KIAA2012: variants seen among roughly 807,000 people sequenced by gnomAD.
KIAA2012 encodes KIAA2012, also known as uncharacterized protein KIAA2012.
A neutral mutation model predicts 150.6 loss-of-function variants in KIAA2012; 125 were observed. The observed-to-expected ratio is 0.83, with a 90% CI of 0.72 to 0.96. The LOEUF (loss-of-function observed/expected upper bound fraction) is 0.96. Ranked by LOEUF, KIAA2012 falls within the 40% of genes least tolerant of loss-of-function variation. The pLI, the probability that KIAA2012 is intolerant of heterozygous loss-of-function variation, is 0.00. For synonymous variants in KIAA2012, 462 were observed against 504.7 expected (o/e 0.92, Z 1.13); for missense variants, 1,219 against 1,354.9 (o/e 0.90, Z 1.57).
intron 4 of KIAA2012, 142 bp downstream of exon 4, chr2:202,093,327 A>T: frequency 1.2e-6 from 1 of 813,780 alleles, no homozygotes; most frequent in Non-Finnish European, 1.9e-6. Flanking sequence ...GGGTTAGTGC[A>T]GACCAGCACT....
chr2:202,194,367 G>A lies in KIAA2012; in HGVS notation c.3187+5G>A. 2 of 1,549,396 alleles carry A rather than the reference G, an allele frequency of 1.3e-6. No individual in the cohort carries two copies. Among genetic ancestry groups the A allele is most frequent in the South Asian group, 2.4e-5 (2 of 83,994 alleles). On this transcript the variant is annotated splice_donor_5th_base_variant and intron_variant, in intron 21 of 23. Transcript: ENST00000498697. Reference sequence around the variant, plus strand: ...AGGAGGAAGCCGAGAGGGCCGGTGAGGGGGTTCTTGAGCTCTTTGCATCTC... The same window carrying A: ...AGGAGGAAGCCGAGAGGGCCGGTGAAGGGGTTCTTGAGCTCTTTGCATCTC...
chr2:202,143,803 T>C (rs773433712), intron 13 of KIAA2012, among the ~76,000 whole-genome samples: 1 of 152,244 alleles, frequency 6.6e-6, no homozygotes. Context: ...ATCAGCATTC[T>C]CTTTTTAAGG....
At chr2:202,077,877 A>T (rs1042375879) in intron 2 of KIAA2012, among the ~76,000 whole-genome samples, 1 of 152,230 alleles carries the variant, frequency 6.6e-6, no homozygotes, top group African/African-American at 2.4e-5. Context: ...AGCTTCGGAA[A>T]ATAGAGTACC....
chr2:202,111,265 G>A (rs1365694407), intron 10 of KIAA2012, among the ~76,000 whole-genome samples: 1 of 151,380 alleles, frequency 6.6e-6, no homozygotes. Context: ...GGGAGGCTGA[G>A]GTGGGCGGAT....
chr2:202,074,001 T>C (rs1689266792), intron 1 of KIAA2012, among the ~76,000 whole-genome samples: 1 of 152,038 alleles, frequency 6.6e-6, no homozygotes, highest in Non-Finnish European at 1.5e-5. Context: ...AAGACCAGAA[T>C]TTCCACCTGG....
intron 2 of KIAA2012, among the ~76,000 whole-genome samples, chr2:202,082,019 G>A (rs1398190624): frequency 1.3e-5 from 2 of 152,064 alleles, no homozygotes; most frequent in African/African-American, 4.8e-5. Context: ...CCATTCTAGT[G>A]GGTGTCAAGT....
intron 3 of KIAA2012, among the ~76,000 whole-genome samples, chr2:202,092,562 A>G (rs1039589977): frequency 6.6e-6 from 1 of 152,200 alleles, no homozygotes; most frequent in Non-Finnish European, 1.5e-5. Flanking sequence ...AAAGGGCCCA[A>G]GTCTGGTTCC....
chr2:202,140,034 C>T (rs576745068), intron 13 of KIAA2012, among the ~76,000 whole-genome samples: 2 of 152,256 alleles, frequency 1.3e-5, no homozygotes, highest in Admixed American at 6.5e-5. Flanking sequence ...TCAAGACCAG[C>T]CTGGCCAACA....
chr2:202,144,149 G>A lies in KIAA2012; in HGVS notation c.1908+5641G>A, dbSNP rs544568984. The stretch of plus-strand genomic sequence containing the variant: ...GTTTAAACTATTTCCAGGCTAGGGA[G>A]AACAAACATCCTTTCTCACATGCCT... On this transcript the variant is annotated intron_variant, in intron 13 of 23. Transcript: ENST00000498697. Among the ~76,000 whole-genome samples, 31 of 152,302 alleles carry A rather than the reference G, an allele frequency of 2.0e-4. No homozygotes were observed. The East Asian group carries it at 3.5e-3, about 17-fold the overall frequency.
chr2:202,187,200 G>A (rs1359832177), intron 17 of KIAA2012, 102 bp downstream of exon 17: 21 of 1,286,028 alleles, frequency 1.6e-5, no homozygotes, highest in African/African-American at 8.9e-5. Flanking sequence ...GAGGGCACCC[G>A]ATAAAGGGGA....
intron 11 of KIAA2012, among the ~76,000 whole-genome samples, chr2:202,122,300 A>G (rs1690670904): frequency 6.6e-6 from 1 of 152,242 alleles, no homozygotes; most frequent in Non-Finnish European, 1.5e-5. Context: ...AAAATCAGCC[A>G]GACAACACTG....
At chr2:202,141,622 G>A (rs906942016) in intron 13 of KIAA2012, among the ~76,000 whole-genome samples, 10 of 152,138 alleles carry the variant, frequency 6.6e-5, no homozygotes, top group African/African-American at 2.4e-4. Context: ...CTTTTTTAAT[G>A]CAGGTCTTTC....
At chr2:202,111,287 G>A (rs985756218) in intron 10 of KIAA2012, among the ~76,000 whole-genome samples, 2 of 147,188 alleles carry the variant, frequency 1.4e-5, no homozygotes, top group Non-Finnish European at 3.0e-5. Flanking sequence ...ACAAGGTCAG[G>A]AGTTCAAGAC....
chr2:202,097,292 A>G lies in KIAA2012; in HGVS notation c.686-143A>G, dbSNP rs111639589. The G allele has an allele frequency of 6.9e-3, 9,383 of 1,355,154 alleles. 54 individuals carry two copies. The highest frequency in any genetic ancestry group is 8.6e-3 in the Non-Finnish European group (8,631 of 1,008,738). The allele number at this position is 1,355,154 out of a possible 1,614,324, so 83.9% of individuals were successfully genotyped here. A position where few individuals can be genotyped will look rare whatever the true frequency, so the allele number is the denominator to read the frequency against. On this transcript the variant is annotated intron_variant, in intron 4 of 23. Coordinates refer to ENST00000498697, the MANE Select transcript of KIAA2012 (RefSeq NM_001277372.4). ...CACTTCCGAGGAGGCACTATCAGAA[A>G]TACAAAATAAGGGAGGAGGGGGAGC... is the stretch of plus-strand genomic sequence containing the variant.
intron 12 of KIAA2012, among the ~76,000 whole-genome samples, chr2:202,127,583 G>T (rs1383356724): frequency 6.6e-6 from 1 of 152,194 alleles, no homozygotes; most frequent in South Asian, 2.1e-4. Flanking sequence ...TACAGAAGGG[G>T]CCATGACAGT....
chr2:202,199,252 C>A (rs1692469054), intron 22 of KIAA2012, among the ~76,000 whole-genome samples: 1 of 152,088 alleles, frequency 6.6e-6, no homozygotes, highest in South Asian at 2.1e-4. Context: ...GGTACTTTAA[C>A]TTCTCTGGCC....
At chr2:202,161,550 A>G (rs1049888003) in intron 14 of KIAA2012, among the ~76,000 whole-genome samples, 1 of 151,856 alleles carries the variant, frequency 6.6e-6, no homozygotes, top group Non-Finnish European at 1.5e-5. Flanking sequence ...ACTATCCCCT[A>G]ACCAGCACAT....
chr2:202,081,991 TC>T (rs1689460979), intron 2 of KIAA2012, among the ~76,000 whole-genome samples: 1 of 152,200 alleles, frequency 6.6e-6, no homozygotes, highest in Non-Finnish European at 1.5e-5. Flanking sequence ...AAAAAAAATT[TC>T]TTTTATTTTA....
chr2:202,170,638 C>T (rs1691867210), intron 15 of KIAA2012, among the ~76,000 whole-genome samples: 1 of 152,158 alleles, frequency 6.6e-6, no homozygotes, highest in African/African-American at 2.4e-5. Flanking sequence ...GTGATCAGTG[C>T]TCTAAGAGAA....
Sources: gnomAD v4.1 joint callset for allele counts (sites outside exome capture counted in the v4.1 genomes callset) on GRCh38, gnomAD v4.1.1 for gene constraint, MANE v1.5 for transcripts, NCBI Gene and HGNC (gene_info 2026-07-23, HGNC 2026-07-21) for gene names.